CAMK2D: variants seen among roughly 807,000 people sequenced by gnomAD.
CAMK2D encodes calcium/calmodulin dependent protein kinase II delta.
In CAMK2D, 37 loss-of-function variants were observed where a neutral mutation model predicts 84.0. The ratio of observed to expected loss-of-function variants is 0.44; its 90% CI spans 0.34 to 0.58. The LOEUF (loss-of-function observed/expected upper bound fraction) is 0.58. Among genes scored for constraint, CAMK2D ranks in the 20% least tolerant of loss-of-function variants. The pLI is 0.02. For missense variants in CAMK2D, 448 were observed against 652.5 expected (o/e 0.69, Z 3.41); for synonymous variants, 202 against 212.5 (o/e 0.95, Z 0.43).
chr4:113,741,088 G>A (rs1450753721), intron 2 of CAMK2D, among the ~76,000 whole-genome samples: 2 of 152,078 alleles, frequency 1.3e-5, no homozygotes, highest in Non-Finnish European at 2.9e-5. Flanking sequence ...ACAGACTGCT[G>A]CAGTACCACA....
intron 16 of CAMK2D, among the ~76,000 whole-genome samples, chr4:113,484,811 G>A (rs930256678): frequency 6.6e-6 from 1 of 151,996 alleles, no homozygotes; most frequent in Non-Finnish European, 1.5e-5. Context: ...TCATTATTTA[G>A]GACCTCATAC....
chr4:113,460,248 A>C lies in CAMK2D; in HGVS notation c.1212-7T>G. The C allele has an allele frequency of 6.6e-7, 1 of 1,515,512 alleles. No individual in the cohort carries two copies. Among genetic ancestry groups the C allele is most frequent in the Non-Finnish European group, 9.1e-7 (1 of 1,095,848 alleles). The allele number at this position is 1,515,512 out of a possible 1,614,324, so 93.9% of individuals were successfully genotyped here. On this transcript the variant is annotated splice_region_variant and splice_polypyrimidine_tract_variant and intron_variant, in intron 17 of 20. Coordinates refer to ENST00000511664, the MANE Select transcript of CAMK2D (RefSeq NM_001321571.2). ...GCCTGGGTCACAGATTTTTCTGTAA[A>C]AGAAAAATAATGAAAACAACCAATT...
intron 4 of CAMK2D, among the ~76,000 whole-genome samples, chr4:113,561,725 C>A (rs1234862269): frequency 6.6e-6 from 1 of 152,120 alleles, no homozygotes; most frequent in Non-Finnish European, 1.5e-5. Context: ...GATAGTAATA[C>A]CATTTTTTAA....
chr4:113,610,290 C>T (rs2098994639), intron 3 of CAMK2D, among the ~76,000 whole-genome samples: 1 of 152,096 alleles, frequency 6.6e-6, no homozygotes, highest in South Asian at 2.1e-4. Context: ...TCACTGGGAG[C>T]AAAAGAAGGC....
At chr4:113,463,871 A>T (rs2097423457) in intron 17 of CAMK2D, among the ~76,000 whole-genome samples, 1 of 152,096 alleles carries the variant, frequency 6.6e-6, no homozygotes, top group South Asian at 2.1e-4. Flanking sequence ...ACTATTATGA[A>T]TTTTGCTTCA....
In CAMK2D at chr4:113,547,655, G is replaced by A. The variant is rs770518739; in HGVS notation, c.403C>T (p.Arg135Trp). 30 of 1,563,854 alleles carry A rather than the reference G, an allele frequency of 1.9e-5. No homozygotes were observed. The highest frequency in any genetic ancestry group is 2.5e-5 in the Non-Finnish European group (29 of 1,160,548). ...ACCGCATTACTCACCTTCAGGTCCC[G>A]ATGGACCACGCCCATCTGATGGCAG... ...LHCHQMGVVHRDLKPENLLLA... is the reference protein window; with the variant it reads ...LHCHQMGVVHWDLKPENLLLA... Residue 135 changes from arginine (R) to tryptophan (W), a missense_variant, in exon 6 of 21, where the codon CGG becomes TGG. By Grantham distance (101) the Arg-to-Trp change is moderately radical. Coordinates refer to ENST00000511664, the MANE Select transcript of CAMK2D (RefSeq NM_001321571.2).
intron 16 of CAMK2D, among the ~76,000 whole-genome samples, chr4:113,485,112 T>A (rs1383292334): frequency 6.6e-6 from 1 of 152,208 alleles, no homozygotes; most frequent in African/African-American, 2.4e-5. Context: ...AGCTTCAGAT[T>A]GTTCTTTTGA....
In CAMK2D at chr4:113,455,964, G is replaced by A. The variant is rs1305883127; in HGVS notation, c.1536-143C>T. 2.3e-5 allele frequency: 11 copies of A among 487,120 alleles called. No homozygotes were observed. The South Asian group carries it at 4.4e-4, about 20-fold the overall frequency. The allele number at this position is 487,120 out of a possible 1,614,324, so 30.2% of individuals were successfully genotyped here. A position where few individuals can be genotyped will look rare whatever the true frequency, so the allele number is the denominator to read the frequency against. On this transcript the variant is annotated intron_variant, in intron 19 of 20. Coordinates refer to ENST00000511664, the MANE Select transcript of CAMK2D (RefSeq NM_001321571.2). ...AATGTAACCCCTTCTATATTAACTG[G>A]CGATTTGTGCTGTACCTCTTTGGGG...
At chr4:113,520,169 G>A (rs2098337465) in intron 8 of CAMK2D, among the ~76,000 whole-genome samples, 1 of 152,026 alleles carries the variant, frequency 6.6e-6, no homozygotes, top group South Asian at 2.1e-4. Context: ...ACTTTGGGAG[G>A]CCAAAACGGG....
intron 2 of CAMK2D, among the ~76,000 whole-genome samples, chr4:113,690,374 T>C (rs1405019468): frequency 6.6e-6 from 1 of 152,014 alleles, no homozygotes; most frequent in African/African-American, 2.4e-5. Context: ...AAAAAATCTA[T>C]GGAAGGAGGT....
intron 8 of CAMK2D, among the ~76,000 whole-genome samples, chr4:113,523,686 A>T (rs1436696909): frequency 1.3e-5 from 2 of 151,966 alleles, no homozygotes; most frequent in African/African-American, 4.8e-5. Flanking sequence ...GCAGAAGGAT[A>T]ACTTCTGCCT....
At chr4:113,741,257 T>TA (rs955388077) in intron 2 of CAMK2D, among the ~76,000 whole-genome samples, 7 of 152,094 alleles carry the variant, frequency 4.6e-5, no homozygotes, top group African/African-American at 1.4e-4. Flanking sequence ...AATAAGGAAA[T>TA]AAAAAATGTA....
chr4:113,466,884 TTA>T (rs2097479256), intron 16 of CAMK2D, among the ~76,000 whole-genome samples: 1 of 152,230 alleles, frequency 6.6e-6, no homozygotes, highest in Non-Finnish European at 1.5e-5. Context: ...TTTTAAATTG[TTA>T]TTAAACTTTC....
intron 3 of CAMK2D, among the ~76,000 whole-genome samples, chr4:113,644,238 C>G (rs542664289): frequency 6.6e-5 from 10 of 152,266 alleles, no homozygotes; most frequent in Non-Finnish European, 1.3e-4. Flanking sequence ...AATATCTTGT[C>G]AGATTCTTGG....
chr4:113,721,690 G>C (rs1459710220), intron 2 of CAMK2D, among the ~76,000 whole-genome samples: 1 of 152,146 alleles, frequency 6.6e-6, no homozygotes, highest in African/African-American at 2.4e-5. Context: ...AAAAGTAAAA[G>C]CAAAGACTTC....
chr4:113,524,061 G>C (rs1180102141), intron 8 of CAMK2D, among the ~76,000 whole-genome samples: 1 of 151,858 alleles, frequency 6.6e-6, no homozygotes, highest in Non-Finnish European at 1.5e-5. Context: ...GTAGAGGTAG[G>C]GTCACACTAT....
chr4:113,538,127 C>A (rs571226007), intron 6 of CAMK2D, among the ~76,000 whole-genome samples: 3 of 151,842 alleles, frequency 2.0e-5, no homozygotes, highest in Admixed American at 6.6e-5. Flanking sequence ...TACATTTCTT[C>A]AAAGCGTGAT....
At chr4:113,513,682 T>G (rs532547198) in intron 11 of CAMK2D, 148 bp downstream of exon 11, 67 of 613,182 alleles carry the variant, frequency 1.1e-4, no homozygotes, top group African/African-American at 1.1e-3. Context: ...CTGGTGTATA[T>G]TCCATTTCCC....
intron 4 of CAMK2D, among the ~76,000 whole-genome samples, chr4:113,580,645 G>A (rs2098803767): frequency 6.6e-6 from 1 of 152,098 alleles, no homozygotes; most frequent in Non-Finnish European, 1.5e-5. Flanking sequence ...AAATTCAGGT[G>A]TAAAAACTTA....
Sources: allele counts gnomAD v4.1 joint callset (sites outside exome capture counted in the v4.1 genomes callset), GRCh38; gene constraint gnomAD v4.1.1; transcripts MANE v1.5; gene names NCBI Gene and HGNC (gene_info 2026-07-23, HGNC 2026-07-21).